PPFIA1: variants seen among roughly 807,000 people sequenced by gnomAD.
PPFIA1 encodes the protein liprin-alpha-1.
PPFIA1 carries 25 observed loss-of-function variants against 149.9 expected under a neutral mutation model. That is an observed-to-expected ratio of 0.17 (90% CI 0.12 to 0.23). PPFIA1 has a LOEUF of 0.23. Ranked by LOEUF, PPFIA1 falls within the 10% of genes least tolerant of loss-of-function variation. The pLI is 1.00. For synonymous variants in PPFIA1, 549 were observed against 552.8 expected, an observed-to-expected ratio of 0.99 and a Z score of 0.10; for missense variants, 1,362 against 1,506.5, an observed-to-expected ratio of 0.90 and a Z score of 1.59.
intron 19 of PPFIA1, among the ~76,000 whole-genome samples, chr11:70,358,007 T>C (rs768448930): frequency 8.5e-5 from 13 of 152,238 alleles, no homozygotes; most frequent in Admixed American, 3.9e-4. Flanking sequence ...ATTTTGCTAA[T>C]GTTACTGTTT....
At chr11:70,374,744 C>A in intron 23 of PPFIA1, 174 bp from the exon 24 acceptor site, 1 of 572,294 alleles carries the variant, frequency 1.7e-6, no homozygotes, top group Non-Finnish European at 3.0e-6. Context: ...AGGGCCAGGA[C>A]ACCATTGTCT....
At chr11:70,293,807 C>G (rs1288386731) in intron 2 of PPFIA1, among the ~76,000 whole-genome samples, 1 of 152,202 alleles carries the variant, frequency 6.6e-6, no homozygotes, top group East Asian at 1.9e-4. Flanking sequence ...CTGAGACCCT[C>G]AGCCTCTGCT....
At chr11:70,350,403 A>G (rs536192103) in intron 16 of PPFIA1, among the ~76,000 whole-genome samples, 1 of 152,334 alleles carries the variant, frequency 6.6e-6, no homozygotes, top group Admixed American at 6.5e-5. Flanking sequence ...TTTTTAAATT[A>G]AAATATCTTA....
intron 2 of PPFIA1, among the ~76,000 whole-genome samples, chr11:70,294,272 A>G (rs1166808139): frequency 6.6e-6 from 1 of 152,118 alleles, no homozygotes; most frequent in Non-Finnish European, 1.5e-5. Flanking sequence ...AATTGTAGAG[A>G]AAGGTAAACT....
intron 14 of PPFIA1, 121 bp from the exon 15 acceptor site, chr11:70,343,547 TG>T: frequency 1.2e-6 from 1 of 819,078 alleles, no homozygotes; most frequent in Non-Finnish European, 2.0e-6. Flanking sequence ...CTTATAAGCA[TG>T]GCCCATCTTT....
At chr11:70,319,437 T>G (rs866349961) in intron 2 of PPFIA1, among the ~76,000 whole-genome samples, 1 of 152,170 alleles carries the variant, frequency 6.6e-6, no homozygotes, top group African/African-American at 2.4e-5. Context: ...TTACTTAGGC[T>G]CTTTCTTTTC....
At chr11:70,311,432 C>T (rs2053269539) in intron 2 of PPFIA1, among the ~76,000 whole-genome samples, 1 of 152,182 alleles carries the variant, frequency 6.6e-6, no homozygotes, top group Admixed American at 6.6e-5. Flanking sequence ...ATGCACACAA[C>T]TGCTTTCTTC....
chr11:70,294,691 G>A (rs2051777248), intron 2 of PPFIA1, among the ~76,000 whole-genome samples: 1 of 151,888 alleles, frequency 6.6e-6, no homozygotes. Flanking sequence ...CTAGGCAGAG[G>A]TCCCTGTGGC....
Position 70,354,413 on chromosome 11 carries a change from T to C in PPFIA1, c.2276T>C (p.Leu759Pro), listed in dbSNP as rs1467564330. The C allele has an allele frequency of 2.5e-6, 4 of 1,613,738 alleles. No homozygotes were observed. Among genetic ancestry groups the C allele is most frequent in the Non-Finnish European group, 3.4e-6 (4 of 1,179,922 alleles). ...LRLDRLHKGA[L>P]HTVSHEDIRD... Reference sequence around the variant, plus strand: ...TTAGACCGGCTGCACAAAGGGGCGCTGCACACCGTCAGCCACGAGGACATC... The same window carrying C: ...TTAGACCGGCTGCACAAAGGGGCGCCGCACACCGTCAGCCACGAGGACATC... The change falls in exon 17 of 28, where the codon CTG becomes CCG. Residue 759 changes from leucine (L) to proline (P), a missense_variant. Physicochemically the swap from Leu to Pro is moderately conservative, Grantham distance 98. Coordinates refer to ENST00000253925, the MANE Select transcript of PPFIA1 (RefSeq NM_003626.5).
At chr11:70,356,863 A>G (rs1192450252) in intron 19 of PPFIA1, among the ~76,000 whole-genome samples, 2 of 152,224 alleles carry the variant, frequency 1.3e-5, no homozygotes, top group African/African-American at 4.8e-5. Context: ...CTGATTTTAT[A>G]GCCCGTTTAT....
Position 70,343,820 on chromosome 11 carries a change from G to A in PPFIA1, c.1859G>A (p.Ser620Asn). Reference sequence around the variant, plus strand: ...AGCTCAGTTGACCTGCTATCGCCCAGCGGGCAGGCCGACGCGCACACACTA... The same window carrying A: ...AGCTCAGTTGACCTGCTATCGCCCAACGGGCAGGCCGACGCGCACACACTA... ...LLSSVDLLSP[S>N]GQADAHTLAM... The change falls in exon 15 of 28, where the codon AGC becomes AAC. Residue 620 changes from serine (S) to asparagine (N), a missense_variant. By Grantham distance (46) the Ser-to-Asn change is conservative (BLOSUM62 1). This residue lies in a region of PPFIA1 where 733 missense variants were observed against 744.1 expected (regional missense o/e 0.99). Transcript: ENST00000253925. 6.2e-7 allele frequency: 1 copy of A among 1,614,208 alleles called. No individual in the cohort carries two copies. The highest frequency in any genetic ancestry group is 8.5e-7 in the Non-Finnish European group (1 of 1,180,040).
intron 2 of PPFIA1, among the ~76,000 whole-genome samples, chr11:70,281,427 G>T (rs2050753334): frequency 6.6e-6 from 1 of 152,092 alleles, no homozygotes; most frequent in Non-Finnish European, 1.5e-5. Flanking sequence ...GTTTCCCAGG[G>T]CCCCTCTTTC....
chr11:70,309,277 C>A (rs1462663748), intron 2 of PPFIA1, among the ~76,000 whole-genome samples: 1 of 152,106 alleles, frequency 6.6e-6, no homozygotes, highest in Non-Finnish European at 1.5e-5. Context: ...TCAAGCGATT[C>A]TCCTGCCTCA....
rs567220379 is a variant in PPFIA1, at chr11:70,364,754, C to T, written c.2865+2266C>T. ...AAATGAAGGTGCTGAGTGGTTTCTCCCATGTTTATCCACTGTCTTCAGTAA... is the reference window on the plus strand; with the variant it reads ...AAATGAAGGTGCTGAGTGGTTTCTCTCATGTTTATCCACTGTCTTCAGTAA... On this transcript the variant is annotated intron_variant, in intron 21 of 27. Transcript: ENST00000253925. 2.6e-5 allele frequency: 4 copies of T among 152,242 alleles called. No homozygotes were observed. In the East Asian group the frequency reaches 5.8e-4, roughly 22 times the overall value. The allele number at this position is 152,242 out of a possible 1,614,324, so 9.4% of individuals were successfully genotyped here. A position where few individuals can be genotyped will look rare whatever the true frequency, so the allele number is the denominator to read the frequency against.
In PPFIA1 at chr11:70,335,087, T is replaced by C. The variant is rs865835702; in HGVS notation, c.1297-476T>C. Among the ~76,000 whole-genome samples, 3 of 152,302 alleles carry C rather than the reference T, an allele frequency of 2.0e-5. No individual in the cohort carries two copies. In the Middle Eastern group the frequency reaches 0.01, roughly 518 times the overall value. On this transcript the variant is annotated intron_variant, in intron 10 of 27. Coordinates refer to ENST00000253925, the MANE Select transcript of PPFIA1 (RefSeq NM_003626.5). Reference sequence around the variant, plus strand: ...GAGAAATTTAAGCAACATAAAGATATAAAGAAAAAATATGAAGGTCTCTCT... The same window carrying C: ...GAGAAATTTAAGCAACATAAAGATACAAAGAAAAAATATGAAGGTCTCTCT...
rs1591260210 is a variant in PPFIA1 at position 70,335,573 on chromosome 11, G to A, written c.1307G>A (p.Arg436Lys). The change falls in exon 11 of 28, where the codon AGA (arginine) becomes AAA (lysine). Residue 436 changes from arginine (R) to lysine (K), a missense_variant. Around this residue, in one of 7 missense-constraint regions of PPFIA1, gnomAD observed 733 missense variants for 744.1 expected, o/e 0.99. Coordinates refer to ENST00000253925, the MANE Select transcript of PPFIA1 (RefSeq NM_003626.5). The part of the protein sequence containing the change: ...KNQELQRARQ[R>K]EKMNEEHNKR... ...TTTCTCCTGCTTTAGGCAAGGCAAA[G>A]AGAAAAAATGAACGAAGAACATAAT... is the stretch of plus-strand genomic sequence containing the variant. 2 of 1,613,590 alleles carry A rather than the reference G, an allele frequency of 1.2e-6. No homozygotes were observed. The highest frequency in any genetic ancestry group is 1.7e-6 in the Non-Finnish European group (2 of 1,179,878).
chr11:70,299,111 C>T (rs747348609), intron 2 of PPFIA1, among the ~76,000 whole-genome samples: 1 of 151,984 alleles, frequency 6.6e-6, no homozygotes, highest in African/African-American at 2.4e-5. Flanking sequence ...TGGTGGTGCA[C>T]ACCTGTAGTT....
At chr11:70,378,459 G>T in intron 26 of PPFIA1, 1 of 1,178,464 alleles carries the variant, frequency 8.5e-7, no homozygotes, top group Non-Finnish European at 1.0e-6. Context: ...ATTCGTCTGT[G>T]TTCTCAGAGA....
intron 2 of PPFIA1, among the ~76,000 whole-genome samples, chr11:70,285,957 C>T (rs918526191): frequency 2.0e-5 from 3 of 152,100 alleles, no homozygotes; most frequent in South Asian, 2.1e-4. Flanking sequence ...TTACATAGTT[C>T]GGTTTGAGCA....
Sources: allele counts gnomAD v4.1 joint callset (sites outside exome capture counted in the v4.1 genomes callset), GRCh38; gene constraint gnomAD v4.1.1; regional missense constraint gnomAD v4.1.1; transcripts MANE v1.5; gene names NCBI Gene and HGNC (gene_info 2026-07-23, HGNC 2026-07-21).